Variants in CNTN1 observed in about 807,000 individuals in gnomAD.
The protein encoded by CNTN1 is contactin-1.
Under a neutral mutation model 126.4 loss-of-function variants are expected in CNTN1, and 38 were observed. The observed-to-expected ratio is 0.30, with a 90% CI of 0.23 to 0.39. The LOEUF (loss-of-function observed/expected upper bound fraction) is 0.39. CNTN1 is among the 10% of genes least tolerant of loss of function. CNTN1 has a pLI of 1.00. For missense variants in CNTN1, 1,009 were observed against 1,248.4 expected (o/e 0.81, Z 2.89); for synonymous variants, 413 against 422.6 (o/e 0.98, Z 0.28).
At chr12:40,716,716 C>T (rs1482651043) in intron 1 of CNTN1, among the ~76,000 whole-genome samples, 1 of 152,112 alleles carries the variant, frequency 6.6e-6, no homozygotes, top group Non-Finnish European at 1.5e-5. Flanking sequence ...AGTTGAAAAC[C>T]ATCTGTGATC....
intron 16 of CNTN1, among the ~76,000 whole-genome samples, chr12:40,982,647 C>T (rs11613035): frequency 0.2 from 30,851 of 151,920 alleles, 3,896 homozygotes; most frequent in Non-Finnish European, 0.29. Flanking sequence ...CCACTGTGTG[C>T]CAGAACCTAT....
chr12:41,036,097 ATAAT>A (rs1351585273), intron 23 of CNTN1, among the ~76,000 whole-genome samples: 5 of 152,324 alleles, frequency 3.3e-5, no homozygotes, highest in Non-Finnish European at 5.9e-5. Flanking sequence ...TCTTTCAGAA[ATAAT>A]TAATTTATAG....
At chr12:41,027,817 G>C in intron 21 of CNTN1, 40 bp from the exon 22 acceptor site, 1 of 1,193,062 alleles carries the variant, frequency 8.4e-7, no homozygotes, top group Non-Finnish European at 1.3e-6. Context: ...ATTGAGATTG[G>C]ATATAGTGAC....
chr12:40,945,395 G>C (rs1946398658), intron 14 of CNTN1, among the ~76,000 whole-genome samples: 1 of 151,972 alleles, frequency 6.6e-6, no homozygotes, highest in Non-Finnish European at 1.5e-5. Context: ...AAAAAAGTAA[G>C]CTAAACAGGG....
chr12:40,954,885 C>G (rs1469296843), intron 14 of CNTN1, among the ~76,000 whole-genome samples: 1 of 152,086 alleles, frequency 6.6e-6, no homozygotes, highest in Admixed American at 6.6e-5. Context: ...TACTGCCAAC[C>G]AGCAAAGCTT....
intron 1 of CNTN1, among the ~76,000 whole-genome samples, chr12:40,802,297 G>T (rs949523144): frequency 6.6e-6 from 1 of 152,080 alleles, no homozygotes; most frequent in East Asian, 1.9e-4. Context: ...AAAGAAAAAT[G>T]AGTTGTGTAT....
intron 14 of CNTN1, among the ~76,000 whole-genome samples, chr12:40,949,207 TTTG>T (rs201081738): frequency 0.033 from 3,069 of 92,636 alleles, 94 homozygotes; most frequent in African/African-American, 0.11. Context: ...TGTTTTTTTT[TTTG>T]TTTTTTTACA....
At chr12:40,877,410 T>C (rs370509262) in intron 1 of CNTN1, among the ~76,000 whole-genome samples, 24 of 152,310 alleles carry the variant, frequency 1.6e-4, no homozygotes, top group Middle Eastern at 3.4e-3. Flanking sequence ...CCTATTGTCA[T>C]GGAGGAAAGA....
rs190154643 is a variant in CNTN1 at position 40,792,907 on chromosome 12, C to T, written c.-77+100315C>T. ...GCCTATTTTGAGATGACTATTCAGA[C>T]GGGTTACAGACCACAGGAATAGCTC... On this transcript the variant is annotated intron_variant, in intron 1 of 23. Coordinates refer to ENST00000551295, the MANE Select transcript of CNTN1 (RefSeq NM_001843.4). Among the ~76,000 whole-genome samples the T allele has an allele frequency of 7.2e-5, 11 of 152,158 alleles. No homozygotes were observed. In the East Asian group the frequency reaches 1.9e-3, roughly 27 times the overall value.
chr12:41,026,667 G>A (rs2120832489), intron 21 of CNTN1, among the ~76,000 whole-genome samples: 1 of 152,226 alleles, frequency 6.6e-6, no homozygotes, highest in South Asian at 2.1e-4. Flanking sequence ...AGTGTTCTGG[G>A]GCCCAATTAC....
chr12:40,951,868 G>A (rs1001838254), intron 14 of CNTN1, among the ~76,000 whole-genome samples: 6 of 151,946 alleles, frequency 3.9e-5, no homozygotes, highest in African/African-American at 7.2e-5. Flanking sequence ...CATAATATCC[G>A]GAATTTATTT....
At chr12:40,993,337 T>G in intron 17 of CNTN1, 68 bp downstream of exon 17, 1 of 1,297,162 alleles carries the variant, frequency 7.7e-7, no homozygotes, top group Admixed American at 1.9e-5. Flanking sequence ...CATATATGGT[T>G]GAATGTATTT....
intron 23 of CNTN1, among the ~76,000 whole-genome samples, chr12:41,050,653 G>C (rs753138092): frequency 6.6e-6 from 1 of 152,040 alleles, no homozygotes; most frequent in Non-Finnish European, 1.5e-5. Context: ...ATTTAACATA[G>C]GTATGTTCTC....
chr12:40,733,924 T>C lies in CNTN1; in HGVS notation c.-77+41332T>C, dbSNP rs577800584. Among the ~76,000 whole-genome samples, 5 of 152,184 alleles carry C rather than the reference T, an allele frequency of 3.3e-5. No homozygotes were observed. The South Asian group carries it at 1.0e-3, about 32-fold the overall frequency. On this transcript the variant is annotated intron_variant, in intron 1 of 23. Coordinates refer to ENST00000551295, the MANE Select transcript of CNTN1 (RefSeq NM_001843.4). ...TGAAAACACTTCTTTAAAATGAATG[T>C]TTCTTTTATATTTGGTGATTCACTG...
chr12:41,008,406 A>AT (rs35698304), intron 17 of CNTN1, among the ~76,000 whole-genome samples: 18,476 of 151,572 alleles, frequency 0.12, 2,207 homozygotes, highest in African/African-American at 0.31. Context: ...TAAAAGCAAC[A>AT]TTTTTTTTTC....
rs746939534 is a variant in CNTN1 at position 40,878,014 on chromosome 12, TG to T, written c.-76-30342del. ...TTTTTTTTTTTTTTTTTTTTTTTTT[TG>T]AGATAGAGTTTTGCTCTTGTTGCCC... On this transcript the variant is annotated intron_variant, in intron 1 of 23. Transcript: ENST00000551295. Among the ~76,000 whole-genome samples the T allele has an allele frequency of 8.6e-4, 74 of 86,134 alleles. 2 individuals carry two copies. Among genetic ancestry groups the T allele is most frequent in the Non-Finnish European group, 1.4e-3 (47 of 34,488 alleles). The allele number at this position is 86,134 out of a possible 152,430, so 56.5% of individuals were successfully genotyped here. A position where few individuals can be genotyped will look rare whatever the true frequency, so the allele number is the denominator to read the frequency against.
intron 1 of CNTN1, among the ~76,000 whole-genome samples, chr12:40,800,073 A>G (rs1940588054): frequency 6.6e-6 from 1 of 151,826 alleles, no homozygotes; most frequent in South Asian, 2.1e-4. Flanking sequence ...CCTAAATCTC[A>G]CCTTGAATTG....
chr12:40,813,502 T>C (rs1335541571), intron 1 of CNTN1, among the ~76,000 whole-genome samples: 1 of 145,456 alleles, frequency 6.9e-6, no homozygotes, highest in Non-Finnish European at 1.5e-5. Context: ...ACCTCATCCG[T>C]CTCCCTGCAA....
chr12:40,795,636 T>G (rs1015860184), intron 1 of CNTN1, among the ~76,000 whole-genome samples: 1 of 152,078 alleles, frequency 6.6e-6, no homozygotes, highest in Admixed American at 6.6e-5. Flanking sequence ...AACTAATAAA[T>G]GGAATCAGGA....
Sources: gnomAD v4.1 joint callset for allele counts (sites outside exome capture counted in the v4.1 genomes callset) on GRCh38, gnomAD v4.1.1 for gene constraint, MANE v1.5 for transcripts, NCBI Gene and HGNC (gene_info 2026-07-23, HGNC 2026-07-21) for gene names.